C10orf143: variants seen among roughly 807,000 people sequenced by gnomAD.
C10orf143 encodes uncharacterized protein C10orf143.
chr10:130,085,226 C>A (rs1279914268), intron 1 of C10orf143, among the ~76,000 whole-genome samples: 1 of 152,132 alleles, frequency 6.6e-6, no homozygotes, highest in African/African-American at 2.4e-5. Context: ...GTTTGCACAG[C>A]CTCAAACTAT....
intron 3 of C10orf143, among the ~76,000 whole-genome samples, chr10:130,058,256 G>A (rs1200222039): frequency 2.0e-5 from 3 of 152,140 alleles, no homozygotes; most frequent in African/African-American, 4.8e-5. Flanking sequence ...AGGAGTGAGC[G>A]TCTGGAGAAG....
intron 3 of C10orf143, among the ~76,000 whole-genome samples, chr10:130,057,032 C>T (rs1860804891): frequency 6.6e-6 from 1 of 150,884 alleles, no homozygotes; most frequent in African/African-American, 2.4e-5. Flanking sequence ...AAAGTACAGG[C>T]ATATGCTACC....
chr10:130,093,697 G>A (rs1454195069), intron 1 of C10orf143, among the ~76,000 whole-genome samples: 1 of 151,938 alleles, frequency 6.6e-6, no homozygotes, highest in Non-Finnish European at 1.5e-5. Context: ...AAAGAGAGAA[G>A]AACCAAACAG....
At chr10:130,066,542 G>C (rs1281044311) in intron 3 of C10orf143, 1 of 152,088 alleles carries the variant, frequency 6.6e-6, no homozygotes, top group Non-Finnish European at 1.5e-5. Context: ...TTGCTCTTTA[G>C]ACCTTTTGCC....
chr10:130,093,384 G>C (rs1009122686), intron 1 of C10orf143, among the ~76,000 whole-genome samples: 1 of 152,148 alleles, frequency 6.6e-6, no homozygotes, highest in Admixed American at 6.6e-5. Context: ...AAGACACAAT[G>C]TACCAGAATC....
At chr10:130,067,397 T>C (rs1048488236) in intron 3 of C10orf143, 1 of 152,254 alleles carries the variant, frequency 6.6e-6, no homozygotes, top group African/African-American at 2.4e-5. Context: ...CCCTGTGGAC[T>C]GGGGGAGGAG....
At chr10:130,106,192 T>G (rs1251494038) in intron 1 of C10orf143, 1 of 971,548 alleles carries the variant, frequency 1.0e-6, no homozygotes, top group Non-Finnish European at 1.6e-6. Context: ...GTGCAGCTGT[T>G]GCTGCATTTT....
At chr10:130,077,586 G>A (rs1441786971) in intron 3 of C10orf143, among the ~76,000 whole-genome samples, 2 of 152,242 alleles carry the variant, frequency 1.3e-5, no homozygotes, top group East Asian at 3.8e-4. Flanking sequence ...CGTGTAAGCA[G>A]GCATTTGTGA....
downstream of C10orf143, among the ~76,000 whole-genome samples, chr10:130,062,937 G>T (rs931177453): frequency 9.2e-5 from 14 of 152,110 alleles, no homozygotes; most frequent in Non-Finnish European, 2.1e-4. Context: ...ACACTGAGGA[G>T]TCACACTGTG....
At chr10:130,105,733 TC>T (rs112378764) in intron 1 of C10orf143, among the ~76,000 whole-genome samples, 17 of 148,206 alleles carry the variant, frequency 1.1e-4, no homozygotes, top group East Asian at 2.0e-4. Flanking sequence ...TCCGTTCCCC[TC>T]CCCCCCCAAA....
At chr10:130,078,072 G>C (rs548391122) in intron 3 of C10orf143, among the ~76,000 whole-genome samples, 1 of 152,308 alleles carries the variant, frequency 6.6e-6, no homozygotes, top group Non-Finnish European at 1.5e-5. Context: ...TCTGCTCATA[G>C]ATTCATTTCC....
chr10:130,082,002 C>T (rs1861217197), intron 1 of C10orf143, among the ~76,000 whole-genome samples: 1 of 151,262 alleles, frequency 6.6e-6, no homozygotes, highest in Non-Finnish European at 1.5e-5. Context: ...AAAAATAAAA[C>T]AACTCCTGGA....
downstream of C10orf143, among the ~76,000 whole-genome samples, chr10:130,061,195 GA>G (rs1860854190): frequency 6.6e-6 from 1 of 152,108 alleles, no homozygotes; most frequent in Non-Finnish European, 1.5e-5. Context: ...TATTCACATA[GA>G]AAAAATTTTG....
chr10:130,066,045 A>G (rs920400078), intron 3 of C10orf143: 2 of 152,178 alleles, frequency 1.3e-5, no homozygotes, highest in African/African-American at 4.8e-5. Context: ...AAAAACAGCT[A>G]TTCACTGAGG....
intron 1 of C10orf143, 119 bp downstream of exon 1, chr10:130,110,585 G>C (rs993151529): frequency 9.8e-5 from 39 of 397,590 alleles, no homozygotes; most frequent in Middle Eastern, 6.3e-4. Flanking sequence ...GAGCGTGCGA[G>C]TGTCTTGGGC....
Position 130,065,955 on chromosome 10 carries a change from G to A in C10orf143, c.298-1572C>T, listed in dbSNP as rs910364145. On this transcript the variant is annotated intron_variant, in intron 3 of 3. Transcript: ENST00000637128. This position sits in a 1 kb window ranked among gnomAD's most constrained non-coding sequence, Gnocchi z 4.2. ...CAGGCGTCTCTTAGGGAAGAGACAGGGGAACTGCAGGGAAATGCTGTTTAA... is the reference window on the plus strand; with the variant it reads ...CAGGCGTCTCTTAGGGAAGAGACAGAGGAACTGCAGGGAAATGCTGTTTAA... 5 of 152,072 alleles carry A rather than the reference G, an allele frequency of 3.3e-5. No homozygotes were observed. Among genetic ancestry groups the A allele is most frequent in the Non-Finnish European group, 7.4e-5 (5 of 68,026 alleles). The allele number at this position is 152,072 out of a possible 1,614,324, so 9.4% of individuals were successfully genotyped here. A position where few individuals can be genotyped will look rare whatever the true frequency, so the allele number is the denominator to read the frequency against.
intron 1 of C10orf143, among the ~76,000 whole-genome samples, chr10:130,094,188 T>C (rs1861428633): frequency 6.6e-6 from 1 of 151,980 alleles, no homozygotes; most frequent in Admixed American, 6.6e-5. Flanking sequence ...AGAAGTCAAA[T>C]CCCTGAATAG....
intron 3 of C10orf143, among the ~76,000 whole-genome samples, chr10:130,052,433 G>A (rs1860747105): frequency 6.6e-6 from 1 of 151,536 alleles, no homozygotes; most frequent in South Asian, 2.1e-4. Flanking sequence ...ACCAAGCACA[G>A]TCCCCCACAC....
At chr10:130,084,893 G>A (rs576199492) in intron 1 of C10orf143, among the ~76,000 whole-genome samples, 1 of 152,102 alleles carries the variant, frequency 6.6e-6, no homozygotes, top group African/African-American at 2.4e-5. Flanking sequence ...TAAAATGAGG[G>A]CATGTCAAAA....
Sources: gnomAD v4.1 joint callset for allele counts (sites outside exome capture counted in the v4.1 genomes callset) on GRCh38, gnomAD v4.1.1 for gene constraint, Gnocchi (gnomAD v3.1) non-coding constraint, MANE v1.5 for transcripts, NCBI Gene and HGNC (gene_info 2026-07-23, HGNC 2026-07-21) for gene names.